Variants in EPHA7 observed in about 807,000 individuals in gnomAD.
EPHA7 encodes the protein EPH receptor A7.
EPHA7 carries 25 observed loss-of-function variants against 112.6 expected under a neutral mutation model. The observed-to-expected ratio is 0.22, with a 90% CI of 0.16 to 0.31. The LOEUF (loss-of-function observed/expected upper bound fraction) is 0.31. Ranked by LOEUF, EPHA7 falls within the 10% of genes least tolerant of loss-of-function variation. The probability of loss-of-function intolerance (pLI) is 1.00; values close to 1 mark genes in which losing one functional copy is unlikely to be tolerated. For synonymous variants in EPHA7, 437 were observed against 406.5 expected (o/e 1.07, Z -0.90); for missense variants, 962 against 1,212.6 (o/e 0.79, Z 3.07).
At chr6:93,338,299 T>C (rs1409870289) in intron 5 of EPHA7, among the ~76,000 whole-genome samples, 1 of 152,092 alleles carries the variant, frequency 6.6e-6, no homozygotes, top group Non-Finnish European at 1.5e-5. Flanking sequence ...TTTTTACATT[T>C]AATAGTTTGA....
chr6:93,264,027 A>G, intron 8 of EPHA7, 112 bp from the exon 9 acceptor site: 1 of 643,126 alleles, frequency 1.6e-6, no homozygotes, highest in Non-Finnish European at 2.5e-6. Flanking sequence ...TTTACTGTTC[A>G]TAGTTATGAA....
intron 7 of EPHA7, 134 bp downstream of exon 7, chr6:93,269,343 A>C (rs995796288): frequency 3.2e-6 from 2 of 628,824 alleles, no homozygotes; most frequent in African/African-American, 3.9e-5. Context: ...TACAAAGTAC[A>C]TTTATATGTA....
intron 3 of EPHA7, among the ~76,000 whole-genome samples, chr6:93,365,577 G>A (rs141930682): frequency 3.3e-5 from 5 of 152,200 alleles, no homozygotes; most frequent in Non-Finnish European, 7.4e-5. Flanking sequence ...GCCTCAGTGG[G>A]AATAATTACA....
At chr6:93,253,380 A>G (rs1562045110) in intron 14 of EPHA7, among the ~76,000 whole-genome samples, 1 of 152,096 alleles carries the variant, frequency 6.6e-6, no homozygotes, top group African/African-American at 2.4e-5. Context: ...CTCTTTTCAG[A>G]CTGTGGACTT....
Position 93,269,628 on chromosome 6 carries a change from T to C in EPHA7, c.1482A>G (p.Lys494=). Residue 494 remains lysine, a synonymous_variant, in exon 7 of 17, where the codon AAA becomes AAG. Transcript: ENST00000369303. ...TAATGGAGGCTGAAGTAGACTTGGT[T>C]TTTACTGTTGAGTAGGTCCGTTCCC... is the stretch of plus-strand genomic sequence containing the variant. ...DQRERTYSTV[K]TKSTSASINN... 4 of 1,593,410 alleles carry C rather than the reference T, an allele frequency of 2.5e-6. No homozygotes were observed. The highest frequency in any genetic ancestry group is 3.4e-6 in the Non-Finnish European group (4 of 1,171,134).
intron 3 of EPHA7, among the ~76,000 whole-genome samples, chr6:93,408,596 G>T (rs1225167425): frequency 1.3e-5 from 2 of 152,048 alleles, no homozygotes; most frequent in Non-Finnish European, 1.5e-5. Flanking sequence ...TGCTAAACTG[G>T]TCTATGGGAC....
chr6:93,302,481 A>G (rs544670881), intron 5 of EPHA7, among the ~76,000 whole-genome samples: 3 of 152,122 alleles, frequency 2.0e-5, no homozygotes, highest in Non-Finnish European at 2.9e-5. Context: ...GCCACTCTCT[A>G]TTACTTCCTA....
chr6:93,366,762 A>G (rs1423034185), intron 3 of EPHA7, among the ~76,000 whole-genome samples: 1 of 152,150 alleles, frequency 6.6e-6, no homozygotes, highest in Non-Finnish European at 1.5e-5. Context: ...AGATGTGCAC[A>G]TTCATTTTGG....
At chr6:93,338,387 A>G (rs1319875355) in intron 5 of EPHA7, among the ~76,000 whole-genome samples, 1 of 152,056 alleles carries the variant, frequency 6.6e-6, no homozygotes, top group East Asian at 1.9e-4. Flanking sequence ...TAAATAAGAG[A>G]GTGACTTTCA....
chr6:93,387,920 T>TAGACAGACAGAC lies in EPHA7; in HGVS notation c.832+22580_832+22581insGTCTGTCTGTCT, dbSNP rs59997610. On this transcript the variant is annotated intron_variant, in intron 3 of 16. Coordinates refer to ENST00000369303, the MANE Select transcript of EPHA7 (RefSeq NM_004440.4). ...ATAAAGCCAGACCATCTTAGATAGA[T>TAGACAGACAGAC]AGACAGATAGATAGATAGATAGATA... 1.3e-3 allele frequency among the ~76,000 whole-genome samples: 160 copies of TAGACAGACAGAC among 127,860 alleles called. 1 individual carries two copies. Among genetic ancestry groups the TAGACAGACAGAC allele is most frequent in the South Asian group, 1.6e-3 (6 of 3,686 alleles). 83.9% of individuals were successfully genotyped at this position (127,860 alleles called of 152,430 possible). A position where few individuals can be genotyped will look rare whatever the true frequency, so the allele number is the denominator to read the frequency against.
intron 3 of EPHA7, among the ~76,000 whole-genome samples, chr6:93,406,767 C>T (rs1000942400): frequency 1.3e-5 from 2 of 151,622 alleles, no homozygotes; most frequent in South Asian, 2.1e-4. Flanking sequence ...CTTTCTAAAT[C>T]GAATAAAATT....
At chr6:93,374,835 A>G (rs2127963982) in intron 3 of EPHA7, among the ~76,000 whole-genome samples, 1 of 152,314 alleles carries the variant, frequency 6.6e-6, no homozygotes, top group Middle Eastern at 3.4e-3. Flanking sequence ...TTAAAGAACA[A>G]TGTAAGAGTG....
chr6:93,323,110 A>T (rs553070771), intron 5 of EPHA7, among the ~76,000 whole-genome samples: 1 of 151,796 alleles, frequency 6.6e-6, no homozygotes, highest in East Asian at 1.9e-4. Flanking sequence ...ATAACATAGA[A>T]TTTTTTGATT....
At chr6:93,297,915 C>T (rs1429353105) in intron 5 of EPHA7, among the ~76,000 whole-genome samples, 25 of 151,998 alleles carry the variant, frequency 1.6e-4, no homozygotes, top group Non-Finnish European at 3.1e-4. Flanking sequence ...TGTAATTGCC[C>T]ATTGATTAGA....
chr6:93,251,348 T>C (rs757523356), intron 14 of EPHA7, among the ~76,000 whole-genome samples: 6 of 151,906 alleles, frequency 3.9e-5, no homozygotes, highest in Non-Finnish European at 5.9e-5. Context: ...TATATGGCTT[T>C]AAGGGATTAT....
chr6:93,272,345 G>T lies in EPHA7; in HGVS notation c.1402C>A (p.His468Asn). ...SVELSWQEPEHPNGVITEYEI... is the reference protein window; with the variant it reads ...SVELSWQEPENPNGVITEYEI... ...TATTCTGTGATGACTCCATTGGGAT[G>T]CTCTGGTTCCTGCCAGGAAAGCTCG... The change falls in exon 6 of 17, where the codon CAT becomes AAT. Residue 468 changes from histidine (H) to asparagine (N), a missense_variant. By Grantham distance (68) the His-to-Asn change is moderately conservative. This residue lies in a region of EPHA7 where 746 missense variants were observed against 889.2 expected (regional missense o/e 0.84). Coordinates refer to ENST00000369303, the MANE Select transcript of EPHA7 (RefSeq NM_004440.4). 1 of 1,612,156 alleles carries T rather than the reference G, an allele frequency of 6.2e-7. No individual in the cohort carries two copies. The highest frequency in any genetic ancestry group is 1.7e-4 in the Middle Eastern group (1 of 6,040).
intron 1 of EPHA7, among the ~76,000 whole-genome samples, chr6:93,415,389 A>G (rs1189585553): frequency 6.6e-6 from 1 of 151,884 alleles, no homozygotes; most frequent in Non-Finnish European, 1.5e-5. Context: ...ATTTTTTTTA[A>G]TTTCTTAATT....
At chr6:93,290,782 C>T (rs1311515533) in intron 5 of EPHA7, among the ~76,000 whole-genome samples, 4 of 152,096 alleles carry the variant, frequency 2.6e-5, no homozygotes, top group Non-Finnish European at 5.9e-5. Context: ...CTAAACATAA[C>T]AGCGAGGCTC....
At chr6:93,315,633 T>C (rs766376800) in intron 5 of EPHA7, among the ~76,000 whole-genome samples, 1 of 152,206 alleles carries the variant, frequency 6.6e-6, no homozygotes, top group South Asian at 2.1e-4. Flanking sequence ...CTCTTGTAGA[T>C]GAATAAGTGA....
Sources: allele counts gnomAD v4.1 joint callset (sites outside exome capture counted in the v4.1 genomes callset), GRCh38; gene constraint gnomAD v4.1.1; regional missense constraint gnomAD v4.1.1; transcripts MANE v1.5; gene names NCBI Gene and HGNC (gene_info 2026-07-23, HGNC 2026-07-21).